Variants in TPM3 observed in about 807,000 individuals in gnomAD.
TPM3 encodes the protein tropomyosin 3, also known as tropomyosin alpha-3 chain.
In TPM3, 16 loss-of-function variants were observed where a neutral mutation model predicts 43.1. The observed-to-expected ratio is 0.37, with a 90% CI of 0.25 to 0.56. TPM3 has a LOEUF of 0.56. Ranked by LOEUF, TPM3 falls within the 20% of genes least tolerant of loss-of-function variation. The probability of loss-of-function intolerance (pLI) is 0.77; values close to 1 mark genes in which losing one functional copy is unlikely to be tolerated. For missense variants in TPM3, 176 were observed against 337.2 expected (o/e 0.52, Z 3.74); for synonymous variants, 101 against 116.9 (o/e 0.86, Z 0.88).
intron 2 of TPM3, among the ~76,000 whole-genome samples, chr1:154,177,131 A>G (rs1662428185): frequency 6.6e-6 from 1 of 152,220 alleles, no homozygotes; most frequent in South Asian, 2.1e-4. Context: ...ACTGGAAAGC[A>G]AAAGAATGGA....
rs1660580112 is a variant in TPM3 at position 154,163,318 on chromosome 1, C to CCAAAAG, written c.*4618_*4619insCTTTTG. Among the ~76,000 whole-genome samples, 1 of 152,166 alleles carries CCAAAAG rather than the reference C, an allele frequency of 6.6e-6. No individual in the cohort carries two copies. Among genetic ancestry groups the CCAAAAG allele is most frequent in the Non-Finnish European group, 1.5e-5 (1 of 68,020 alleles). The stretch of plus-strand genomic sequence containing the variant: ...TTGACTGCCACATGTGGCTAATGTA[C>CCAAAAG]TAGACATCATTACCAAAAGTTCTGT... On this transcript the variant is annotated 3_prime_UTR_variant, in exon 10 of 10. Transcript: ENST00000651641.
In TPM3 at chr1:154,166,871, C is replaced by T. The variant is rs575143029; in HGVS notation, c.*1066G>A. Among the ~76,000 whole-genome samples the T allele has an allele frequency of 5.3e-5, 8 of 152,168 alleles. No individual in the cohort carries two copies. The South Asian group carries it at 1.5e-3, about 28-fold the overall frequency. On this transcript the variant is annotated 3_prime_UTR_variant, in exon 10 of 10. Coordinates refer to ENST00000651641, the MANE Select transcript of TPM3 (RefSeq NM_152263.4). ...CTAATTTTTGTATTTTTAGTAGAGACGGGGTTTCACCATGTTGGCCGAGCT... is the reference window on the plus strand; with the variant it reads ...CTAATTTTTGTATTTTTAGTAGAGATGGGGTTTCACCATGTTGGCCGAGCT...
rs754722440 is a variant in TPM3, at chr1:154,191,933, TCAG to T, written c.83_85del (p.Ala28del). On this transcript the variant is annotated inframe_deletion, in exon 1 of 10. Transcript: ENST00000651641. ...ACTTCTTTCTTCTGCCTGCTTCTGCTCAGCTTCAGCTTGCTCTGCCCGATCCAG... is the reference window on the plus strand; with the variant it reads ...ACTTCTTTCTTCTGCCTGCTTCTGCTCTTCAGCTTGCTCTGCCCGATCCAG... The T allele has an allele frequency of 6.2e-7, 1 of 1,613,934 alleles. No individual in the cohort carries two copies. The highest frequency in any genetic ancestry group is 8.5e-7 in the Non-Finnish European group (1 of 1,180,004).
intron 5 of TPM3, chr1:154,171,874 G>C (rs1462447444): frequency 1.2e-6 from 1 of 851,216 alleles, no homozygotes; most frequent in African/African-American, 1.7e-5. Context: ...AGAGATGAAA[G>C]ATGCCAAGTA....
intron 2 of TPM3, chr1:154,187,540 C>A (rs760580920): frequency 4.4e-5 from 43 of 982,372 alleles, no homozygotes; most frequent in Admixed American, 1.2e-4. Context: ...GAAGAAACTT[C>A]TTTCAAATGA....
At chr1:154,177,145 T>G (rs1251838653) in intron 2 of TPM3, among the ~76,000 whole-genome samples, 1 of 152,194 alleles carries the variant, frequency 6.6e-6, no homozygotes, top group East Asian at 1.9e-4. Flanking sequence ...GAATGGAATA[T>G]TGTTGGGATG....
At position 154,165,621 on chromosome 1, in the gene TPM3, T is replaced by A. The variant is rs1349694878; in HGVS notation, c.*2316A>T. The stretch of plus-strand genomic sequence containing the variant: ...CTGGCCAACATGGTGAAACCTCACC[T>A]CTACTAATAATACAAAAATTAGCTG... On this transcript the variant is annotated 3_prime_UTR_variant, in exon 10 of 10. Coordinates refer to ENST00000651641, the MANE Select transcript of TPM3 (RefSeq NM_152263.4). Among the ~76,000 whole-genome samples the A allele has an allele frequency of 6.6e-6, 1 of 151,736 alleles. No individual in the cohort carries two copies. Among genetic ancestry groups the A allele is most frequent in the Non-Finnish European group, 1.5e-5 (1 of 67,958 alleles).
chr1:154,173,422 T>C (rs1661830271), intron 3 of TPM3, among the ~76,000 whole-genome samples: 1 of 152,194 alleles, frequency 6.6e-6, no homozygotes, highest in Admixed American at 6.5e-5. Context: ...CCCAGCACTT[T>C]GGGAGGCTGA....
intron 2 of TPM3, among the ~76,000 whole-genome samples, chr1:154,181,150 A>T (rs2148275698): frequency 6.6e-6 from 1 of 152,290 alleles, no homozygotes; most frequent in African/African-American, 2.4e-5. Context: ...AGATAATAAG[A>T]AGTTGTTGGC....
chr1:154,185,131 G>C (rs1398561782), intron 2 of TPM3, among the ~76,000 whole-genome samples: 1 of 152,102 alleles, frequency 6.6e-6, no homozygotes, highest in Admixed American at 6.5e-5. Context: ...CAGCACTTTG[G>C]GAGGCCACGG....
Position 154,173,192 on chromosome 1 carries a change from C to T in TPM3, c.387G>A (p.Lys129=). The part of the protein sequence containing the change: ...KAADESERGM[K]VIENRALKDE... ...CTTTTAAGGCCCGGTTTTCAATAAC[C>T]TTCATACCTCTGCCAGAAATAGGAC... The change falls in exon 4 of 10, where the codon AAG becomes AAA. Residue 129 remains lysine, a synonymous_variant. Coordinates refer to ENST00000651641, the MANE Select transcript of TPM3 (RefSeq NM_152263.4). 1 of 1,613,634 alleles carries T rather than the reference C, an allele frequency of 6.2e-7. No individual in the cohort carries two copies. Among genetic ancestry groups the T allele is most frequent in the Non-Finnish European group, 8.5e-7 (1 of 1,179,904 alleles).
chr1:154,181,291 G>A (rs1276813525), intron 2 of TPM3, among the ~76,000 whole-genome samples: 1 of 152,148 alleles, frequency 6.6e-6, no homozygotes, highest in Non-Finnish European at 1.5e-5. Context: ...TATTTAAACT[G>A]GAGGGCAGCT....
chr1:154,176,327 G>T, intron 2 of TPM3, 79 bp from the exon 3 acceptor site: 1 of 1,605,148 alleles, frequency 6.2e-7, no homozygotes, highest in South Asian at 1.1e-5. Flanking sequence ...TAAGATCAGG[G>T]TTGACTACCA....
rs772586173 is a variant in TPM3 at position 154,170,394 on chromosome 1, C to A, written c.775+6G>T. The A allele has an allele frequency of 1.2e-6, 2 of 1,614,092 alleles. No homozygotes were observed. Among genetic ancestry groups the A allele is most frequent in the Admixed American group, 3.3e-5 (2 of 60,020 alleles). Reference sequence around the variant, plus strand: ...TCTATTTCAATCCCTACTCCAGGTTCCATACCTTCCAGGTCATCAATTGTC... The same window carrying A: ...TCTATTTCAATCCCTACTCCAGGTTACATACCTTCCAGGTCATCAATTGTC... On this transcript the variant is annotated splice_donor_region_variant and intron_variant, in intron 8 of 9. Coordinates refer to ENST00000651641, the MANE Select transcript of TPM3 (RefSeq NM_152263.4).
intron 2 of TPM3, among the ~76,000 whole-genome samples, chr1:154,188,285 G>GC (rs1332534458): frequency 2.0e-5 from 3 of 151,708 alleles, no homozygotes; most frequent in South Asian, 4.1e-4. Flanking sequence ...TGAACTCCTG[G>GC]CCTCAGGCGA....
chr1:154,168,810 GC>G (rs1661265015), intron 9 of TPM3, among the ~76,000 whole-genome samples: 1 of 151,556 alleles, frequency 6.6e-6, no homozygotes, highest in African/African-American at 2.4e-5. Context: ...ACAGGTGTGA[GC>G]CACTACGCCC....
intron 5 of TPM3, chr1:154,172,235 C>T (rs1558044693): frequency 2.3e-6 from 2 of 881,450 alleles, no homozygotes; most frequent in Non-Finnish European, 1.9e-6. Flanking sequence ...AGAACACCAC[C>T]ATGGTCATGA....
rs1421881054 is a variant in TPM3, at chr1:154,169,474, G to C, written c.776-91C>G. On this transcript the variant is annotated intron_variant, in intron 8 of 9. Coordinates refer to ENST00000651641, the MANE Select transcript of TPM3 (RefSeq NM_152263.4). ...AAGAGAGGGAATCATTAGAAATTAG[G>C]AAAGTGTGACTGTGGGTCTAATACC... 6 of 1,363,782 alleles carry C rather than the reference G, an allele frequency of 4.4e-6. No individual in the cohort carries two copies. In the Admixed American group the frequency reaches 6.9e-5, roughly 16 times the overall value. The allele number at this position is 1,363,782 out of a possible 1,614,324, so 84.5% of individuals were successfully genotyped here.
Position 154,166,762 on chromosome 1 carries a change from A to C in TPM3, c.*1175T>G, listed in dbSNP as rs1571383455. 1 of 897,448 alleles carries C rather than the reference A, an allele frequency of 1.1e-6. No individual in the cohort carries two copies. Among genetic ancestry groups the C allele is most frequent in the Non-Finnish European group, 1.3e-6 (1 of 750,590 alleles). 55.6% of individuals were successfully genotyped at this position (897,448 alleles called of 1,614,324 possible). ...AGTGGCGCGATCTCCGCTCACTGCA[A>C]CCTCCGCCTCCCAGGTGCAAGCGAT... On this transcript the variant is annotated 3_prime_UTR_variant, in exon 10 of 10. Coordinates refer to ENST00000651641, the MANE Select transcript of TPM3 (RefSeq NM_152263.4).
Sources: gnomAD v4.1 joint callset for allele counts (sites outside exome capture counted in the v4.1 genomes callset) on GRCh38, gnomAD v4.1.1 for gene constraint, MANE v1.5 for transcripts, NCBI Gene and HGNC (gene_info 2026-07-23, HGNC 2026-07-21) for gene names.